Variants in GSR observed in about 807,000 individuals in gnomAD.
GSR encodes glutathione reductase, mitochondrial.
Under a neutral mutation model 56.5 loss-of-function variants are expected in GSR, and 48 were observed. The observed-to-expected ratio is 0.85, with a 90% CI of 0.67 to 1.08. The LOEUF (loss-of-function observed/expected upper bound fraction) is 1.08, where lower values mean the gene tolerates loss of function less well. Among genes scored for constraint, GSR ranks in the 50% least tolerant of loss-of-function variants. The probability of loss-of-function intolerance (pLI) is 0.00; values close to 1 mark genes in which losing one functional copy is unlikely to be tolerated. For synonymous variants in GSR, 264 were observed against 270.8 expected, an observed-to-expected ratio of 0.97 and a Z score of 0.25; for missense variants, 694 against 703.3, an observed-to-expected ratio of 0.99 and a Z score of 0.15.
chr8:30,702,961 G>T, intron 5 of GSR, 132 bp downstream of exon 5: 1 of 939,812 alleles, frequency 1.1e-6, no homozygotes, highest in Non-Finnish European at 1.7e-6. Flanking sequence ...GTTAGGTTCT[G>T]CAGAGACCTT....
chr8:30,691,294 G>C (rs1803369369), intron 8 of GSR, among the ~76,000 whole-genome samples: 1 of 152,140 alleles, frequency 6.6e-6, no homozygotes, highest in Non-Finnish European at 1.5e-5. Flanking sequence ...GGTGGAGGTT[G>C]CAGTGAGCTG....
intron 2 of GSR, among the ~76,000 whole-genome samples, chr8:30,710,740 A>G (rs1804107248): frequency 7.4e-6 from 1 of 134,784 alleles, no homozygotes; most frequent in Non-Finnish European, 1.5e-5. Context: ...AAAAAAAAAA[A>G]AAAAAGAAAA....
intron 1 of GSR, among the ~76,000 whole-genome samples, chr8:30,718,868 C>A (rs1248796502): frequency 6.6e-6 from 1 of 151,990 alleles, no homozygotes. Flanking sequence ...TCTTAGCTTC[C>A]CGAGTAGCTG....
chr8:30,720,853 A>G (rs1315064356), intron 1 of GSR, among the ~76,000 whole-genome samples: 2 of 52,342 alleles, frequency 3.8e-5, no homozygotes, highest in Non-Finnish European at 2.5e-4. Context: ...GCCGTGGCTC[A>G]CACACAGGTG....
At chr8:30,690,367 C>T (rs1462664929) in intron 8 of GSR, among the ~76,000 whole-genome samples, 1 of 151,704 alleles carries the variant, frequency 6.6e-6, no homozygotes, top group Admixed American at 6.6e-5. Flanking sequence ...GTTATGTTGC[C>T]CAGGCTGGTC....
In GSR at chr8:30,703,146, A is replaced by G; in HGVS notation, c.587T>C (p.Ile196Thr). 1 of 1,614,022 alleles carries G rather than the reference A, an allele frequency of 6.2e-7. No individual in the cohort carries two copies. The highest frequency in any genetic ancestry group is 1.3e-5 in the African/African-American group (1 of 75,002). ...GGGCATACCACCTGTGGCGATCAGGATGTGTGGGGCGGTGTACTTTTTCCC... is the reference window on the plus strand; with the variant it reads ...GGGCATACCACCTGTGGCGATCAGGGTGTGTGGGGCGGTGTACTTTTTCCC... ...VSGKKYTAPH[I>T]LIATGGMPST... is the part of the protein sequence containing the mutation. The change falls in exon 5 of 13, where the codon ATC becomes ACC. Residue 196 changes from isoleucine (I) to threonine (T), a missense_variant. Transcript: ENST00000221130.
chr8:30,685,671 C>T (rs1294738172), intron 9 of GSR, among the ~76,000 whole-genome samples: 1 of 151,880 alleles, frequency 6.6e-6, no homozygotes, highest in Non-Finnish European at 1.5e-5. Context: ...AGTAAGTAGC[C>T]ACAGAGCTTA....
At chr8:30,709,458 T>C (rs1804031797) in intron 3 of GSR, among the ~76,000 whole-genome samples, 1 of 152,098 alleles carries the variant, frequency 6.6e-6, no homozygotes, top group South Asian at 2.1e-4. Context: ...GAACAAATAT[T>C]GTATGATTCC....
In GSR at chr8:30,727,604, C is replaced by G; in HGVS notation, c.232G>C (p.Ala78Pro). 1 of 1,518,990 alleles carries G rather than the reference C, an allele frequency of 6.6e-7. No individual in the cohort carries two copies. The highest frequency in any genetic ancestry group is 8.8e-7 in the Non-Finnish European group (1 of 1,139,092). 94.1% of individuals were successfully genotyped at this position (1,518,990 alleles called of 1,614,324 possible). ...LVIGGGSGGLASARRAAELGA... is the reference protein window; with the variant it reads ...LVIGGGSGGLPSARRAAELGA... ...AGCTCGGCCGCCCTGCGCGCGCTGGCCAGCCCGCCCGAGCCGCCCCCGATC... is the reference window on the plus strand; with the variant it reads ...AGCTCGGCCGCCCTGCGCGCGCTGGGCAGCCCGCCCGAGCCGCCCCCGATC... The change falls in exon 1 of 13, where the codon GCC becomes CCC. Residue 78 changes from alanine (A) to proline (P), a missense_variant. Ala to Pro is a conservative substitution (Grantham distance 27, BLOSUM62 -1). Coordinates refer to ENST00000221130, the MANE Select transcript of GSR (RefSeq NM_000637.5).
rs2128735868 is a variant in GSR at position 30,679,492 on chromosome 8, A to G, written c.*28T>C. The G allele has an allele frequency of 6.2e-7, 1 of 1,610,156 alleles. No homozygotes were observed. The highest frequency in any genetic ancestry group is 2.2e-5 in the East Asian group (1 of 44,842). On this transcript the variant is annotated 3_prime_UTR_variant, in exon 13 of 13. Coordinates refer to ENST00000221130, the MANE Select transcript of GSR (RefSeq NM_000637.5). ...TCATTTCAGAAGATCTATGGGTCCC[A>G]CTGCCCGCCACACGTGTCTCCTGGT...
chr8:30,689,179 G>C lies in GSR; in HGVS notation c.1023C>G (p.Asp341Glu), dbSNP rs148664639. 1.9e-6 allele frequency: 3 copies of C among 1,613,946 alleles called. No individual in the cohort carries two copies. The African/African-American group carries it at 4.0e-5, about 22-fold the overall frequency. Residue 341 changes from aspartate (D) to glutamate (E), a missense_variant, in exon 9 of 13, where the codon GAC (aspartate) becomes GAG (glutamate). Coordinates refer to ENST00000221130, the MANE Select transcript of GSR (RefSeq NM_000637.5). ...AGCTTACCAGTTTGTTTAAACTCAG[G>C]TCCTTGGTATTCGGGACCCGCCCAA... is the stretch of plus-strand genomic sequence containing the variant. ...WAIGRVPNTK[D>E]LSLNKLGIQT...
At chr8:30,713,712 T>C (rs1339360280) in intron 1 of GSR, among the ~76,000 whole-genome samples, 1 of 152,196 alleles carries the variant, frequency 6.6e-6, no homozygotes, top group Non-Finnish European at 1.5e-5. Flanking sequence ...TAATGAAATA[T>C]TTTTCATCTG....
intron 4 of GSR, among the ~76,000 whole-genome samples, chr8:30,704,493 T>C (rs1803859700): frequency 6.6e-6 from 1 of 152,184 alleles, no homozygotes; most frequent in Admixed American, 6.5e-5. Context: ...TACATGACAC[T>C]GAAGTTCTAC....
intron 7 of GSR, among the ~76,000 whole-genome samples, chr8:30,694,476 A>C (rs1803483200): frequency 6.6e-6 from 1 of 152,052 alleles, no homozygotes. Flanking sequence ...CACCTTGCTA[A>C]TTTTTTAATT....
At chr8:30,723,206 G>C (rs1054717732) in intron 1 of GSR, among the ~76,000 whole-genome samples, 1 of 152,178 alleles carries the variant, frequency 6.6e-6, no homozygotes, top group Non-Finnish European at 1.5e-5. Context: ...AGGCAGAGAA[G>C]CGAACCACAG....
chr8:30,706,302 C>T (rs1165203769), intron 4 of GSR, among the ~76,000 whole-genome samples: 1 of 151,790 alleles, frequency 6.6e-6, no homozygotes. Context: ...GAGTTCAAGA[C>T]CAGCCTGGCC....
chr8:30,722,514 T>TCAAGAGTTCGAGAC lies in GSR; in HGVS notation c.306+5015_306+5016insGTCTCGAACTCTTG, dbSNP rs1457105100. 1.2e-4 allele frequency among the ~76,000 whole-genome samples: 7 copies of TCAAGAGTTCGAGAC among 59,270 alleles called. No homozygotes were observed. The South Asian group carries it at 3.8e-3, about 32-fold the overall frequency. 38.9% of individuals were successfully genotyped at this position (59,270 alleles called of 152,430 possible). A position where few individuals can be genotyped will look rare whatever the true frequency, so the allele number is the denominator to read the frequency against. On this transcript the variant is annotated intron_variant, in intron 1 of 12. Transcript: ENST00000221130. Reference sequence around the variant, plus strand: ...GCTAAGGTGGGAGGACTGCTTGAGCTCAGGAGTTCGAGACCAGCCTGGGCA... The same window carrying TCAAGAGTTCGAGAC: ...GCTAAGGTGGGAGGACTGCTTGAGCTCAAGAGTTCGAGACCAGGAGTTCGAGACCAGCCTGGGCA...
intron 4 of GSR, among the ~76,000 whole-genome samples, chr8:30,705,539 G>A (rs1422969752): frequency 6.6e-6 from 1 of 152,088 alleles, no homozygotes; most frequent in Non-Finnish European, 1.5e-5. Context: ...TGGGATTACA[G>A]GTGTGAGCCA....
rs191357610 is a variant in GSR at position 30,696,114 on chromosome 8, G to A, written c.795+266C>T. On this transcript the variant is annotated intron_variant, in intron 7 of 12. Transcript: ENST00000221130. ...GCTAATAGTTATGTTTAGGCCCCAC[G>A]TCTCCCTATGAGGGCATCTCATGAC... 3.0e-4 allele frequency among the ~76,000 whole-genome samples: 46 copies of A among 152,168 alleles called. 1 individual carries two copies. Among genetic ancestry groups the A allele is most frequent in the South Asian group, 1.0e-3 (5 of 4,808 alleles).
Sources: gnomAD v4.1 joint callset for allele counts (sites outside exome capture counted in the v4.1 genomes callset) on GRCh38, gnomAD v4.1.1 for gene constraint, MANE v1.5 for transcripts, NCBI Gene and HGNC (gene_info 2026-07-23, HGNC 2026-07-21) for gene names.